Variants in PDZRN4 observed in about 807,000 individuals in gnomAD.
PDZRN4 encodes PDZ domain containing ring finger 4.
Under a neutral mutation model 99.0 loss-of-function variants are expected in PDZRN4, and 70 were observed. The observed-to-expected ratio is 0.71, with a 90% CI of 0.58 to 0.86. The LOEUF is 0.86. PDZRN4 is among the 40% of genes least tolerant of loss of function. PDZRN4 has a pLI of 0.00. For missense variants in PDZRN4, 1,474 were observed against 1,331.2 expected, an observed-to-expected ratio of 1.11 and a Z score of -1.67; for synonymous variants, 551 against 501.6, an observed-to-expected ratio of 1.10 and a Z score of -1.32.
chr12:41,515,177 G>A (rs1457918903), intron 5 of PDZRN4, among the ~76,000 whole-genome samples: 1 of 151,980 alleles, frequency 6.6e-6, no homozygotes, highest in Non-Finnish European at 1.5e-5. Flanking sequence ...CAAAGAGTTT[G>A]AAAGCCAGTG....
intron 3 of PDZRN4, among the ~76,000 whole-genome samples, chr12:41,225,439 T>TC (rs1950987000): frequency 6.6e-6 from 1 of 151,104 alleles, no homozygotes; most frequent in Non-Finnish European, 1.5e-5. Flanking sequence ...CACTGTGTTT[T>TC]TTTTTTCTGA....
At chr12:41,387,793 T>C (rs946460759) in intron 3 of PDZRN4, among the ~76,000 whole-genome samples, 1 of 152,000 alleles carries the variant, frequency 6.6e-6, no homozygotes, top group African/African-American at 2.4e-5. Context: ...GCTGGTGAGG[T>C]TGTGGAGAAA....
At chr12:41,399,511 G>T (rs1310186784) in intron 3 of PDZRN4, among the ~76,000 whole-genome samples, 1 of 152,188 alleles carries the variant, frequency 6.6e-6, no homozygotes, top group Admixed American at 6.5e-5. Flanking sequence ...AAGGCAGGTG[G>T]ATCACCTGAG....
intron 3 of PDZRN4, among the ~76,000 whole-genome samples, chr12:41,324,249 A>T (rs1260497103): frequency 6.6e-6 from 1 of 152,032 alleles, no homozygotes; most frequent in Non-Finnish European, 1.5e-5. Context: ...TAAACATCCC[A>T]TTTATATCTT....
At chr12:41,421,633 A>G (rs917974172) in intron 3 of PDZRN4, among the ~76,000 whole-genome samples, 4 of 152,202 alleles carry the variant, frequency 2.6e-5, no homozygotes, top group African/African-American at 9.6e-5. Context: ...CCTAATAGTC[A>G]GTTTGATCTC....
At chr12:41,208,397 A>G (rs1432399823) in intron 3 of PDZRN4, among the ~76,000 whole-genome samples, 1 of 151,890 alleles carries the variant, frequency 6.6e-6, no homozygotes, top group Non-Finnish European at 1.5e-5. Flanking sequence ...CTTCATCTTC[A>G]TGTATATTGT....
At chr12:41,408,652 T>G (rs1952366948) in intron 3 of PDZRN4, among the ~76,000 whole-genome samples, 1 of 152,150 alleles carries the variant, frequency 6.6e-6, no homozygotes, top group Non-Finnish European at 1.5e-5. Context: ...TTTATATATT[T>G]TTCCAAAAAA....
Position 41,194,146 on chromosome 12 carries a change from T to C in PDZRN4, c.801T>C (p.Ala267=). The C allele has an allele frequency of 6.4e-7, 1 of 1,567,808 alleles. No individual in the cohort carries two copies. The highest frequency in any genetic ancestry group is 8.7e-7 in the Non-Finnish European group (1 of 1,151,010). ...CAAAAATTTTAGAAAATGGACCTGC[T>C]GACAGAGCAGATGGCCTGGAGATTC... The part of the protein sequence containing the change: ...YVSKILENGP[A]DRADGLEIHD... Residue 267 remains alanine (A), a synonymous_variant, in exon 3 of 10, where the codon GCT becomes GCC. Coordinates refer to ENST00000402685, the MANE Select transcript of PDZRN4 (RefSeq NM_001164595.2).
chr12:41,539,644 T>C (rs1175296399), intron 5 of PDZRN4, among the ~76,000 whole-genome samples: 1 of 152,202 alleles, frequency 6.6e-6, no homozygotes, highest in Non-Finnish European at 1.5e-5. Context: ...AACCAGCTGA[T>C]AGAAATGAAG....
intron 3 of PDZRN4, among the ~76,000 whole-genome samples, chr12:41,211,056 C>A (rs1490616610): frequency 6.6e-6 from 1 of 151,898 alleles, no homozygotes; most frequent in Non-Finnish European, 1.5e-5. Context: ...ACAAATAAAT[C>A]TTAAATTTTA....
Position 41,555,755 on chromosome 12 carries a change from T to C in PDZRN4, c.1360T>C (p.Leu454=). ...CCGGATTCGAGAAGGGGATCGGATT[T>C]TGCAAGTAGGTGGTATAGTAATTTC... ...DGRIREGDRI[L]QINGEDVQNR... Residue 454 remains leucine, a synonymous_variant, in exon 7 of 10, where the codon TTG becomes CTG. Coordinates refer to ENST00000402685, the MANE Select transcript of PDZRN4 (RefSeq NM_001164595.2). The C allele has an allele frequency of 6.2e-7, 1 of 1,613,566 alleles. No homozygotes were observed.
chr12:41,467,001 C>G (rs994362657), intron 3 of PDZRN4, among the ~76,000 whole-genome samples: 2 of 152,194 alleles, frequency 1.3e-5, no homozygotes, highest in African/African-American at 4.8e-5. Context: ...CACCTCTGTG[C>G]TTGCTGCAGA....
chr12:41,292,755 C>A (rs575646860), intron 3 of PDZRN4, among the ~76,000 whole-genome samples: 2 of 152,200 alleles, frequency 1.3e-5, no homozygotes, highest in South Asian at 4.1e-4. Flanking sequence ...TGGAGAAGAA[C>A]GTTCACTTTA....
intron 3 of PDZRN4, among the ~76,000 whole-genome samples, chr12:41,471,984 A>G (rs1228024897): frequency 1.3e-5 from 2 of 151,070 alleles, no homozygotes; most frequent in Non-Finnish European, 2.9e-5. Context: ...GAATTTAATA[A>G]CAATATTATT....
intron 3 of PDZRN4, among the ~76,000 whole-genome samples, chr12:41,376,380 A>G: frequency 6.6e-6 from 1 of 152,116 alleles, no homozygotes; most frequent in Admixed American, 6.5e-5. Flanking sequence ...ACATCCTCAT[A>G]AACATTTGTT....
chr12:41,491,703 T>C lies in PDZRN4; in HGVS notation c.844-14753T>C, dbSNP rs929332349. On this transcript the variant is annotated intron_variant, in intron 3 of 9. Transcript: ENST00000402685. ...AGACAAGACTATCTTCTGCAGTTTT[T>C]AGGATCATTGTCTTTAATAGTTTTA... Among the ~76,000 whole-genome samples, 6 of 152,146 alleles carry C rather than the reference T, an allele frequency of 3.9e-5. No homozygotes were observed. In the South Asian group the frequency reaches 1.0e-3, roughly 26 times the overall value.
chr12:41,512,312 T>C (rs1394115313), intron 5 of PDZRN4, among the ~76,000 whole-genome samples: 1 of 152,092 alleles, frequency 6.6e-6, no homozygotes, highest in Non-Finnish European at 1.5e-5. Flanking sequence ...AGTAAAGACA[T>C]ATTCTTTTCA....
chr12:41,459,966 C>T, intron 3 of PDZRN4: 1 of 1,282,316 alleles, frequency 7.8e-7, no homozygotes. Context: ...GTGACTTGAA[C>T]AATGCTATTC....
intron 5 of PDZRN4, among the ~76,000 whole-genome samples, chr12:41,526,883 T>C (rs1938576951): frequency 6.6e-6 from 1 of 152,242 alleles, no homozygotes; most frequent in Non-Finnish European, 1.5e-5. Context: ...TCTACTGTAA[T>C]ATACTGATGC....
Sources: allele counts gnomAD v4.1 joint callset (sites outside exome capture counted in the v4.1 genomes callset), GRCh38; gene constraint gnomAD v4.1.1; transcripts MANE v1.5; gene names NCBI Gene and HGNC (gene_info 2026-07-23, HGNC 2026-07-21).